The following THSD7A variants were observed in gnomAD, a reference collection of about 807,000 sequenced individuals.
THSD7A encodes thrombospondin type 1 domain containing 7A.
A neutral mutation model predicts 231.3 loss-of-function variants in THSD7A; 96 were observed. The ratio of observed to expected loss-of-function variants is 0.41; its 90% confidence interval spans 0.35 to 0.49. THSD7A has a LOEUF of 0.49. Among genes scored for constraint, THSD7A ranks in the 20% least tolerant of loss-of-function variants. The probability of loss-of-function intolerance (pLI) is 0.05; values close to 1 mark genes in which losing one functional copy is unlikely to be tolerated. For missense variants in THSD7A, 2,290 were observed against 2,070.2 expected (o/e 1.11, Z -2.06); for synonymous variants, 940 against 743.3 (o/e 1.26, Z -4.30).
chr7:11,825,481 T>G lies in THSD7A; in HGVS notation c.190+6276A>C, dbSNP rs1784998901. ...AATTCGTATTTTCTAGTGCATTTACTGGAAAAGAAAAGATGCTTAAGAGAA... is the reference window on the plus strand; with the variant it reads ...AATTCGTATTTTCTAGTGCATTTACGGGAAAAGAAAAGATGCTTAAGAGAA... On this transcript the variant is annotated intron_variant, in intron 1 of 27. Transcript: ENST00000423059. Among the ~76,000 whole-genome samples, 2 of 152,120 alleles carry G rather than the reference T, an allele frequency of 1.3e-5. 1 individual carries two copies. Among genetic ancestry groups the G allele is most frequent in the South Asian group, 4.1e-4 (2 of 4,836 alleles).
In THSD7A at chr7:11,636,147, C is replaced by T; in HGVS notation, c.1005G>A (p.Gly335=). ...AATGTTACCTTAAATCAGCAGCTTT[C>T]CCCGTCTTGTTAATGCACATAACCT... ...TREVMCINKT[G]KAADLSFCQQ... is the part of the protein sequence containing the mutation. The change falls in exon 2 of 28, where the codon GGG becomes GGA. Residue 335 remains glycine, a synonymous_variant. Coordinates refer to ENST00000423059, the MANE Select transcript of THSD7A (RefSeq NM_015204.3). The surrounding 1 kb of genome is among the most constrained non-coding windows in gnomAD (Gnocchi z 10.0). The T allele has an allele frequency of 4.3e-6, 7 of 1,611,174 alleles. No homozygotes were observed. The highest frequency in any genetic ancestry group is 5.1e-6 in the Non-Finnish European group (6 of 1,178,608).
Position 11,515,441 on chromosome 7 carries a change from C to T in THSD7A, c.1822+25978G>A, listed in dbSNP as rs530529920. Among the ~76,000 whole-genome samples, 14 of 151,690 alleles carry T rather than the reference C, an allele frequency of 9.2e-5. No homozygotes were observed. In the South Asian group the frequency reaches 2.9e-3, roughly 32 times the overall value. On this transcript the variant is annotated intron_variant, in intron 6 of 27. Transcript: ENST00000423059. ...CCTACCTTTTGGCTGAAAGAAGACT[C>T]TGTAAATGCACAAGGCAGATAATTT...
intron 1 of THSD7A, among the ~76,000 whole-genome samples, chr7:11,792,681 T>C (rs1562559662): frequency 6.6e-6 from 1 of 151,810 alleles, no homozygotes; most frequent in Non-Finnish European, 1.5e-5. Flanking sequence ...AGAGAAAAAA[T>C]GGATAGGCAA....
chr7:11,501,173 A>G (rs1029256832), intron 6 of THSD7A, among the ~76,000 whole-genome samples: 2 of 152,096 alleles, frequency 1.3e-5, no homozygotes, highest in Admixed American at 1.3e-4. Context: ...TCCCCACACA[A>G]TAATAGTGGG....
intron 6 of THSD7A, among the ~76,000 whole-genome samples, chr7:11,513,617 A>G (rs1459276002): frequency 6.6e-6 from 1 of 152,194 alleles, no homozygotes; most frequent in East Asian, 1.9e-4. Context: ...AATAGGAAAC[A>G]GAGCAGTGGT....
At chr7:11,615,496 C>A (rs770471550) in intron 2 of THSD7A, among the ~76,000 whole-genome samples, 6 of 152,354 alleles carry the variant, frequency 3.9e-5, no homozygotes, top group Non-Finnish European at 7.3e-5. Flanking sequence ...CTACTTTAAA[C>A]TAGCTGTTGT....
At position 11,379,662 on chromosome 7, in the gene THSD7A, G is replaced by A. The variant is rs1427696437; in HGVS notation, c.4558C>T (p.Pro1520Ser). The change falls in exon 25 of 28, where the codon CCG (proline) becomes TCG (serine). Residue 1520 changes from proline to serine, a missense_variant. Coordinates refer to ENST00000423059, the MANE Select transcript of THSD7A (RefSeq NM_015204.3). ...QPDADRSCNP[P>S]CSQPHSYCSE... ...CAGTACGAGTGGGGTTGACTACACGGTGGGTTACAAGACCTGTCGGCATCA... is the reference window on the plus strand; with the variant it reads ...CAGTACGAGTGGGGTTGACTACACGATGGGTTACAAGACCTGTCGGCATCA... 1 of 1,593,304 alleles carries A rather than the reference G, an allele frequency of 6.3e-7. No homozygotes were observed.
At chr7:11,466,484 T>C (rs1785709813) in intron 9 of THSD7A, among the ~76,000 whole-genome samples, 1 of 152,166 alleles carries the variant, frequency 6.6e-6, no homozygotes, top group Admixed American at 6.6e-5. Flanking sequence ...AAACTGCTTC[T>C]AGAGCACAAA....
intron 1 of THSD7A, among the ~76,000 whole-genome samples, chr7:11,753,606 T>C (rs545574349): frequency 6.6e-6 from 1 of 151,578 alleles, no homozygotes; most frequent in African/African-American, 2.4e-5. Context: ...GCCCCTACCA[T>C]TGTTTCTGCT....
chr7:11,541,760 G>C, intron 5 of THSD7A, 129 bp from the exon 6 acceptor site: 6 of 785,512 alleles, frequency 7.6e-6, no homozygotes, highest in South Asian at 3.1e-5. Context: ...TTGAGTCACT[G>C]GTGTATCCCC....
At chr7:11,540,932 G>A (rs775650792) in intron 6 of THSD7A, among the ~76,000 whole-genome samples, 13 of 152,152 alleles carry the variant, frequency 8.5e-5, no homozygotes, top group Admixed American at 7.9e-4. Context: ...GGTAGGCCTC[G>A]TGGATTGGGA....
chr7:11,621,066 C>T (rs1781291538), intron 2 of THSD7A, among the ~76,000 whole-genome samples: 1 of 152,206 alleles, frequency 6.6e-6, no homozygotes, highest in African/African-American at 2.4e-5. Context: ...TCACAACTCA[C>T]ATTAGGCAAT....
At chr7:11,692,922 C>T (rs1474382799) in intron 1 of THSD7A, among the ~76,000 whole-genome samples, 1 of 151,442 alleles carries the variant, frequency 6.6e-6, no homozygotes, top group Non-Finnish European at 1.5e-5. Context: ...GCCCTTAAGC[C>T]TTCATTTAAG....
chr7:11,653,288 T>C (rs377591403), intron 1 of THSD7A, among the ~76,000 whole-genome samples: 3 of 151,920 alleles, frequency 2.0e-5, no homozygotes, highest in East Asian at 1.9e-4. Flanking sequence ...ATAGTACCCA[T>C]GTCACACAAC....
chr7:11,510,066 G>A (rs867876227), intron 6 of THSD7A, among the ~76,000 whole-genome samples: 1 of 151,924 alleles, frequency 6.6e-6, no homozygotes, highest in African/African-American at 2.4e-5. Context: ...AGGAAAAGAA[G>A]TCATTATTTG....
At chr7:11,465,780 G>A (rs1243832311) in intron 9 of THSD7A, among the ~76,000 whole-genome samples, 1 of 151,396 alleles carries the variant, frequency 6.6e-6, no homozygotes, top group Non-Finnish European at 1.5e-5. Context: ...AATGCAGTGA[G>A]AAAAAAAAGG....
chr7:11,475,241 T>G (rs1786110771), intron 7 of THSD7A, among the ~76,000 whole-genome samples: 3 of 152,148 alleles, frequency 2.0e-5, no homozygotes, highest in Admixed American at 1.3e-4. Flanking sequence ...TTCTAACGTT[T>G]CCTGCTATTG....
rs531760883 is a variant in THSD7A, at chr7:11,493,569, T to C, written c.1823-11587A>G. The stretch of plus-strand genomic sequence containing the variant: ...CTGCTCATTCCTGTTTAAAATCCAA[T>C]ATGTAAGAAGAAAGAGTTGATGGTT... On this transcript the variant is annotated intron_variant, in intron 6 of 27. Coordinates refer to ENST00000423059, the MANE Select transcript of THSD7A (RefSeq NM_015204.3). Among the ~76,000 whole-genome samples, 29 of 152,220 alleles carry C rather than the reference T, an allele frequency of 1.9e-4. 1 individual carries two copies. The East Asian group carries it at 3.9e-3, about 20-fold the overall frequency.
At chr7:11,597,689 G>C (rs145570564) in intron 2 of THSD7A, among the ~76,000 whole-genome samples, 12 of 152,144 alleles carry the variant, frequency 7.9e-5, no homozygotes, top group African/African-American at 2.9e-4. Context: ...TTGATTATAC[G>C]TCATCAAGTC....
Sources: allele counts gnomAD v4.1 joint callset (sites outside exome capture counted in the v4.1 genomes callset), GRCh38; gene constraint gnomAD v4.1.1; non-coding constraint Gnocchi (gnomAD v3.1); transcripts MANE v1.5; gene names NCBI Gene and HGNC (gene_info 2026-07-23, HGNC 2026-07-21).